BLTP1: variants seen among roughly 807,000 people sequenced by gnomAD.
The protein encoded by BLTP1 is bridge-like lipid transfer protein family member 1, also known as fragile site-associated protein.
At chr4:122,192,958 G>GT in the BLTP1 span, among the ~76,000 whole-genome samples, 1 of 152,172 alleles carries the variant, frequency 6.6e-6, no homozygotes, top group Admixed American at 6.5e-5. Flanking sequence ...CTCCAACAAG[G>GT]TGGTGGCATG....
At chr4:122,211,027 A>G in the BLTP1 span, 6 of 1,610,740 alleles carry the variant, frequency 3.7e-6, no homozygotes, top group Non-Finnish European at 5.1e-6. Context: ...TCATGTAGAA[A>G]TGGAACTTTC....
At chr4:122,345,078 A>G in the BLTP1 span, 3 of 937,178 alleles carry the variant, frequency 3.2e-6, no homozygotes, top group Non-Finnish European at 3.8e-6. Flanking sequence ...CTGAGTAAAA[A>G]CTTTCATAAT....
the BLTP1 span, among the ~76,000 whole-genome samples, chr4:122,176,835 A>G: frequency 6.6e-6 from 1 of 152,220 alleles, no homozygotes; most frequent in African/African-American, 2.4e-5. Flanking sequence ...CACATGACTA[A>G]CAGCTAAAAT....
the BLTP1 span, among the ~76,000 whole-genome samples, chr4:122,216,461 C>G: frequency 7.0e-4 from 106 of 152,228 alleles, 1 homozygote; most frequent in African/African-American, 2.4e-3. Context: ...GCCATTCTTG[C>G]AGGAGTAAGG....
At chr4:122,325,603 C>A in the BLTP1 span, 1 of 1,124,578 alleles carries the variant, frequency 8.9e-7, no homozygotes, top group Non-Finnish European at 1.1e-6. Flanking sequence ...ATTTTTCTTT[C>A]AAGTGAGAAT....
At chr4:122,238,366 G>A in the BLTP1 span, 1 of 1,602,546 alleles carries the variant, frequency 6.2e-7, no homozygotes, top group African/African-American at 1.3e-5. Flanking sequence ...TATTCACTTA[G>A]ATTTAGAAGC....
chr4:122,360,794 G>C, the BLTP1 span, among the ~76,000 whole-genome samples: 1 of 148,642 alleles, frequency 6.7e-6, no homozygotes, highest in African/African-American at 2.5e-5. Context: ...TGTAAAATCT[G>C]TTTTGTATTT....
chr4:122,301,072 A>G, the BLTP1 span: 1 of 913,346 alleles, frequency 1.1e-6, no homozygotes, highest in Non-Finnish European at 1.3e-6. Context: ...GTTCAATAAT[A>G]TATACAGTGT....
the BLTP1 span, chr4:122,262,968 T>G: frequency 6.2e-7 from 1 of 1,613,652 alleles, no homozygotes; most frequent in African/African-American, 1.3e-5. Context: ...GAAAAGTAGC[T>G]CCCTAACGAG....
chr4:122,328,324 A>G, the BLTP1 span: 10 of 1,610,290 alleles, frequency 6.2e-6, no homozygotes, highest in African/African-American at 1.2e-4. Context: ...GAAGACCATG[A>G]GAGGGAAAGG....
At chr4:122,276,751 A>G in the BLTP1 span, 3 of 962,076 alleles carry the variant, frequency 3.1e-6, no homozygotes, top group Non-Finnish European at 3.7e-6. Flanking sequence ...CCCTCTGGTG[A>G]TCATCTCTGA....
At chr4:122,157,509 C>T in the BLTP1 span, among the ~76,000 whole-genome samples, 4 of 152,158 alleles carry the variant, frequency 2.6e-5, no homozygotes, top group Non-Finnish European at 5.9e-5. Flanking sequence ...CTAAATCCCT[C>T]GCAGGTGCAG....
the BLTP1 span, among the ~76,000 whole-genome samples, chr4:122,238,528 C>T: frequency 4.6e-5 from 7 of 152,290 alleles, no homozygotes; most frequent in African/African-American, 1.7e-4. Context: ...GTCATACATA[C>T]ATATATTCAT....
At chr4:122,251,581 AAAG>A in the BLTP1 span, 2 of 985,168 alleles carry the variant, frequency 2.0e-6, no homozygotes, top group Non-Finnish European at 2.4e-6. Flanking sequence ...TCACTGGACA[AAAG>A]AGCTGAGAAA....
At chr4:122,249,489 TG>T in the BLTP1 span, 1 of 1,612,896 alleles carries the variant, frequency 6.2e-7, no homozygotes, top group Non-Finnish European at 8.5e-7. Context: ...TAATAGACAT[TG>T]GGACCTGTGC....
chr4:122,234,652 T>C, the BLTP1 span: 2 of 1,131,026 alleles, frequency 1.8e-6, no homozygotes, highest in African/African-American at 3.1e-5. Flanking sequence ...TGTTTGTGTT[T>C]ACTTTGTCAT....
the BLTP1 span, chr4:122,239,452 T>A: frequency 7.8e-7 from 1 of 1,286,548 alleles, no homozygotes; most frequent in Non-Finnish European, 1.1e-6. Flanking sequence ...TTTATTGATA[T>A]TTGTTTTTAT....
At chr4:122,324,335 CTTAT>C in the BLTP1 span, 1 of 1,305,316 alleles carries the variant, frequency 7.7e-7, no homozygotes, top group Non-Finnish European at 1.0e-6. Context: ...GGGAAAACAA[CTTAT>C]TTAATAGTAG....
At chr4:122,179,534 C>T in the BLTP1 span, among the ~76,000 whole-genome samples, 1 of 152,064 alleles carries the variant, frequency 6.6e-6, no homozygotes, top group Non-Finnish European at 1.5e-5. Context: ...TATTCCTAGC[C>T]TTCTACCATC....
Sources: allele counts gnomAD v4.1 joint callset (sites outside exome capture counted in the v4.1 genomes callset), GRCh38; gene constraint gnomAD v4.1.1; transcripts MANE v1.5; gene names NCBI Gene and HGNC (gene_info 2026-07-23, HGNC 2026-07-21).